Variants in LOC128092252 observed in about 807,000 individuals in gnomAD.
the LOC128092252 span, among the ~76,000 whole-genome samples, chr15:50,679,538 A>AATATATATATATATATATATATAT: frequency 2.3e-5 from 1 of 43,902 alleles, no homozygotes; most frequent in South Asian, 7.1e-4. Flanking sequence ...ATATATATAT[A>AATATATATATATATATATATATAT]TTTTTTTTTT....
At chr15:50,657,960 C>A in the LOC128092252 span, 6 of 551,864 alleles carry the variant, frequency 1.1e-5, no homozygotes, top group Non-Finnish European at 1.9e-5. Flanking sequence ...TTCACGTATA[C>A]CTTGATTTAT....
the LOC128092252 span, among the ~76,000 whole-genome samples, chr15:50,676,071 G>C: frequency 6.6e-6 from 1 of 152,194 alleles, no homozygotes; most frequent in South Asian, 2.1e-4. Flanking sequence ...ATGGCACATA[G>C]TCAAATTTCA....
At chr15:50,670,810 GA>G in the LOC128092252 span, among the ~76,000 whole-genome samples, 12,600 of 113,424 alleles carry the variant, frequency 0.11, 588 homozygotes, top group South Asian at 0.16. Flanking sequence ...AAAAGAAAAA[GA>G]AAAAAAAAAA....
chr15:50,666,670 T>G, the LOC128092252 span, among the ~76,000 whole-genome samples: 1 of 151,840 alleles, frequency 6.6e-6, no homozygotes, highest in African/African-American at 2.4e-5. Context: ...GGCATGGTGG[T>G]GCATGCCTAT....
At chr15:50,685,946 A>G in the LOC128092252 span, among the ~76,000 whole-genome samples, 1 of 152,172 alleles carries the variant, frequency 6.6e-6, no homozygotes, top group South Asian at 2.1e-4. Flanking sequence ...AAGAAAAAAG[A>G]TCTACCATCA....
At chr15:50,663,838 C>T in the LOC128092252 span, among the ~76,000 whole-genome samples, 1 of 152,158 alleles carries the variant, frequency 6.6e-6, no homozygotes, top group South Asian at 2.1e-4. Flanking sequence ...TGATGTGCTC[C>T]TGTAGTCCCA....
At chr15:50,659,294 C>A in the LOC128092252 span, among the ~76,000 whole-genome samples, 3 of 152,140 alleles carry the variant, frequency 2.0e-5, no homozygotes, top group South Asian at 4.1e-4. Context: ...GGATAATCAT[C>A]TGCTTGGACA....
At chr15:50,659,796 T>C in the LOC128092252 span, among the ~76,000 whole-genome samples, 1 of 152,072 alleles carries the variant, frequency 6.6e-6, no homozygotes, top group Admixed American at 6.6e-5. Context: ...GCCTCCCAAG[T>C]AGCTGGGATT....
the LOC128092252 span, chr15:50,657,870 A>G: frequency 6.8e-7 from 1 of 1,466,584 alleles, no homozygotes; most frequent in Middle Eastern, 1.8e-4. Flanking sequence ...AAACTTTCTG[A>G]TTTTAAAGTA....
At chr15:50,667,001 T>C in the LOC128092252 span, among the ~76,000 whole-genome samples, 1 of 152,274 alleles carries the variant, frequency 6.6e-6, no homozygotes, top group Middle Eastern at 3.4e-3. Context: ...TTGCACAAGA[T>C]CCAGGAACCT....
At chr15:50,657,941 A>T in the LOC128092252 span, 1 of 664,566 alleles carries the variant, frequency 1.5e-6, no homozygotes, top group South Asian at 2.2e-5. Flanking sequence ...TTTTCAGTAG[A>T]TATTATAGTT....
At chr15:50,673,149 T>C in the LOC128092252 span, among the ~76,000 whole-genome samples, 2 of 152,066 alleles carry the variant, frequency 1.3e-5, no homozygotes, top group Admixed American at 6.6e-5. Flanking sequence ...ATAAGTGTAA[T>C]GCCCTAGGCC....
chr15:50,664,881 C>A, the LOC128092252 span, among the ~76,000 whole-genome samples: 1 of 152,140 alleles, frequency 6.6e-6, no homozygotes, highest in Non-Finnish European at 1.5e-5. Flanking sequence ...GAGAGGATCA[C>A]TTGAGCCTGG....
the LOC128092252 span, among the ~76,000 whole-genome samples, chr15:50,673,231 T>G: frequency 6.6e-6 from 1 of 152,302 alleles, no homozygotes; most frequent in African/African-American, 2.4e-5. Flanking sequence ...CCATTCACAG[T>G]AAATGCCTTA....
At chr15:50,664,977 A>G in the LOC128092252 span, among the ~76,000 whole-genome samples, 1 of 152,190 alleles carries the variant, frequency 6.6e-6, no homozygotes, top group African/African-American at 2.4e-5. Context: ...AAATAAATAA[A>G]TAATCAGCAG....
At chr15:50,653,910 T>C in the LOC128092252 span, among the ~76,000 whole-genome samples, 1 of 152,100 alleles carries the variant, frequency 6.6e-6, no homozygotes, top group Non-Finnish European at 1.5e-5. Context: ...GCAGTTTTAG[T>C]TCAGCGTGAA....
the LOC128092252 span, chr15:50,663,133 C>CTTTT: frequency 2.5e-6 from 2 of 804,958 alleles, no homozygotes; most frequent in Non-Finnish European, 3.7e-6. Flanking sequence ...ATAAACAGTT[C>CTTTT]TTTTTTTTTT....
chr15:50,665,154 A>G, the LOC128092252 span, among the ~76,000 whole-genome samples: 1 of 152,070 alleles, frequency 6.6e-6, no homozygotes, highest in East Asian at 1.9e-4. Flanking sequence ...CTGCAATCCG[A>G]GTACTTTAGG....
the LOC128092252 span, among the ~76,000 whole-genome samples, chr15:50,653,088 C>G: frequency 2.0e-5 from 3 of 152,136 alleles, no homozygotes; most frequent in African/African-American, 7.2e-5. Flanking sequence ...GAGGTCAAGT[C>G]TGCAGTGACT....
Sources: gnomAD v4.1 joint callset for allele counts (sites outside exome capture counted in the v4.1 genomes callset) on GRCh38, gnomAD v4.1.1 for gene constraint, MANE v1.5 for transcripts.